AGO4: variants seen among roughly 807,000 people sequenced by gnomAD.
AGO4 encodes argonaute RISC component 4, also known as protein argonaute-4.
AGO4 carries 33 observed loss-of-function variants against 104.7 expected under a neutral mutation model. That is an observed-to-expected ratio of 0.32 (90% CI 0.24 to 0.42). AGO4 has a LOEUF of 0.42. Among genes scored for constraint, AGO4 ranks in the 10% least tolerant of loss-of-function variants. The pLI is 1.00. For missense variants in AGO4, 711 were observed against 1,083.4 expected, an observed-to-expected ratio of 0.66 and a Z score of 4.83; for synonymous variants, 331 against 364.7, an observed-to-expected ratio of 0.91 and a Z score of 1.05.
chr1:35,854,307 T>C lies in AGO4; in HGVS notation c.*702T>C, dbSNP rs1644773412. ...TGTGAATGTGTGACATAAACAGATG[T>C]AATGCATGTCACAGTGACGGAGATA... On this transcript the variant is annotated 3_prime_UTR_variant, in exon 18 of 18. Transcript: ENST00000373210. 1 of 152,676 alleles carries C rather than the reference T, an allele frequency of 6.5e-6. No individual in the cohort carries two copies. The highest frequency in any genetic ancestry group is 1.5e-5 in the Non-Finnish European group (1 of 68,048). 9.5% of individuals were successfully genotyped at this position (152,676 alleles called of 1,614,324 possible). A position where few individuals can be genotyped will look rare whatever the true frequency, so the allele number is the denominator to read the frequency against.
intron 15 of AGO4, among the ~76,000 whole-genome samples, chr1:35,843,688 G>C (rs1276006672): frequency 2.0e-5 from 3 of 152,022 alleles, no homozygotes; most frequent in Non-Finnish European, 4.4e-5. Context: ...CTTAGACTTT[G>C]CTAATACAAA....
At position 35,808,444 on chromosome 1, in the gene AGO4, C is replaced by T; in HGVS notation, c.19+9C>T. ...GGAGGCGCTGGGACCCGGTGAGGAG[C>T]GAGCTCGGGTCGGGGCGGGACCCGG... is the stretch of plus-strand genomic sequence containing the variant. On this transcript the variant is annotated intron_variant, in intron 1 of 17. Transcript: ENST00000373210. This position sits in a 1 kb window ranked among gnomAD's most constrained non-coding sequence, Gnocchi z 5.2. 3.4e-6 allele frequency: 4 copies of T among 1,178,194 alleles called. No homozygotes were observed. In the South Asian group the frequency reaches 1.7e-4, roughly 49 times the overall value. The allele number at this position is 1,178,194 out of a possible 1,614,324, so 73.0% of individuals were successfully genotyped here.
rs1459924255 is a variant in AGO4, at chr1:35,850,234, C to T, written c.2253C>T (p.Tyr751=). The change falls in exon 16 of 18, where the codon TAC becomes TAT. Residue 751 remains tyrosine, a synonymous_variant. Transcript: ENST00000373210. The part of the protein sequence containing the change: ...TITHPSEFDF[Y]LCSHAGIQGT... ...CACATCCATCTGAGTTTGACTTTTACCTCTGTAGTCATGCAGGAATTCAGG... is the reference window on the plus strand; with the variant it reads ...CACATCCATCTGAGTTTGACTTTTATCTCTGTAGTCATGCAGGAATTCAGG... 1.2e-6 allele frequency: 2 copies of T among 1,613,718 alleles called. No individual in the cohort carries two copies. The highest frequency in any genetic ancestry group is 1.7e-6 in the Non-Finnish European group (2 of 1,179,676).
At chr1:35,827,375 G>C (rs1441354891) in intron 7 of AGO4, among the ~76,000 whole-genome samples, 1 of 152,020 alleles carries the variant, frequency 6.6e-6, no homozygotes, top group Non-Finnish European at 1.5e-5. Flanking sequence ...ACAAAAATTA[G>C]CCAGGCTTAG....
chr1:35,828,523 T>TAA (rs1644091908), intron 7 of AGO4, among the ~76,000 whole-genome samples: 1 of 152,044 alleles, frequency 6.6e-6, no homozygotes, highest in African/African-American at 2.4e-5. Context: ...CACCCAACAC[T>TAA]TCTTTTTTTT....
chr1:35,809,776 A>G (rs539070508), intron 1 of AGO4, among the ~76,000 whole-genome samples: 1 of 152,288 alleles, frequency 6.6e-6, no homozygotes, highest in East Asian at 1.9e-4. Flanking sequence ...CTCGTCTATA[A>G]ATTGAGGGTA....
intron 1 of AGO4, among the ~76,000 whole-genome samples, chr1:35,811,648 G>T (rs1251622799): frequency 6.6e-6 from 1 of 151,898 alleles, no homozygotes; most frequent in Non-Finnish European, 1.5e-5. Context: ...GTGTCGCCCA[G>T]GCTGGAGTGC....
Position 35,826,769 on chromosome 1 carries a change from A to G in AGO4, c.782A>G (p.His261Arg). The G allele has an allele frequency of 6.2e-7, 1 of 1,614,200 alleles. No individual in the cohort carries two copies. Among genetic ancestry groups the G allele is most frequent in the Non-Finnish European group, 8.5e-7 (1 of 1,180,026 alleles). ...EIRGLKVEVT[H>R]CGQMKRKYRV... ...TCAGGTCTCAAAGTTGAGGTGACCCACTGTGGACAGATGAAACGAAAATAC... is the reference window on the plus strand; with the variant it reads ...TCAGGTCTCAAAGTTGAGGTGACCCGCTGTGGACAGATGAAACGAAAATAC... The change falls in exon 7 of 18, where the codon CAC (histidine) becomes CGC (arginine). Residue 261 changes from histidine (H) to arginine (R), a missense_variant. This residue lies in a region of AGO4 where 308 missense variants were observed against 397.8 expected (regional missense o/e 0.77). Transcript: ENST00000373210.
intron 3 of AGO4, among the ~76,000 whole-genome samples, chr1:35,823,252 A>AT (rs1175171016): frequency 0.018 from 2,562 of 141,640 alleles, 31 homozygotes; most frequent in Non-Finnish European, 0.022. Flanking sequence ...ATTCTTAGAA[A>AT]TTTTTTTTTT....
rs568800267 is a variant in AGO4, at chr1:35,808,778, C to G, written c.19+343C>G. ...GCCTCAGAAGGGGGCGATCCGCTAC[C>G]CAGTGCGCGCGGAGGCCTGGCCCAG... is the stretch of plus-strand genomic sequence containing the variant. On this transcript the variant is annotated intron_variant, in intron 1 of 17. Coordinates refer to ENST00000373210, the MANE Select transcript of AGO4 (RefSeq NM_017629.4). The surrounding 1 kb of genome is among the most constrained non-coding windows in gnomAD (Gnocchi z 5.2). Among the ~76,000 whole-genome samples the G allele has an allele frequency of 1.3e-5, 2 of 152,308 alleles. No homozygotes were observed. The highest frequency in any genetic ancestry group is 4.8e-5 in the African/African-American group (2 of 41,576).
rs1278456373 is a variant in AGO4 at position 35,853,895 on chromosome 1, A to G, written c.*290A>G. On this transcript the variant is annotated 3_prime_UTR_variant, in exon 18 of 18. Transcript: ENST00000373210. ...GCCTGAACTTTCTAAAGGACTTTAC[A>G]AGAAGGGTTTCTATGGAATATTTTG... 4 of 231,808 alleles carry G rather than the reference A, an allele frequency of 1.7e-5. No individual in the cohort carries two copies. The highest frequency in any genetic ancestry group is 1.4e-3 in the Middle Eastern group (1 of 740). The allele number at this position is 231,808 out of a possible 1,614,324, so 14.4% of individuals were successfully genotyped here.
chr1:35,822,959 C>T lies in AGO4; in HGVS notation c.283C>T (p.Pro95Ser), dbSNP rs767679965. ...DGKRNMYTAHPLPIGRDRVDM... is the reference protein window; with the variant it reads ...DGKRNMYTAHSLPIGRDRVDM... ...CAAAAGAAACATGTACACAGCACAT[C>T]CACTACCAATTGGACGGGATAGGGT... is the stretch of plus-strand genomic sequence containing the variant. The change falls in exon 3 of 18, where the codon CCA becomes TCA. Residue 95 changes from proline to serine, a missense_variant. Transcript: ENST00000373210. 1 of 1,614,018 alleles carries T rather than the reference C, an allele frequency of 6.2e-7. No homozygotes were observed. Among genetic ancestry groups the T allele is most frequent in the Non-Finnish European group, 8.5e-7 (1 of 1,179,968 alleles).
intron 2 of AGO4, among the ~76,000 whole-genome samples, chr1:35,817,988 C>G (rs1643765098): frequency 6.6e-6 from 1 of 152,030 alleles, no homozygotes; most frequent in African/African-American, 2.4e-5. Flanking sequence ...AAAGTTTCTA[C>G]CTTTGAGGAG....
intron 3 of AGO4, among the ~76,000 whole-genome samples, chr1:35,824,626 C>T (rs1178703175): frequency 6.6e-6 from 1 of 151,512 alleles, no homozygotes; most frequent in Admixed American, 6.6e-5. Flanking sequence ...CAGGGAGACC[C>T]ATCTCTACAA....
chr1:35,836,140 T>C, intron 13 of AGO4, 147 bp downstream of exon 13: 3 of 911,676 alleles, frequency 3.3e-6, no homozygotes, highest in Non-Finnish European at 3.2e-6. Context: ...GATAAAGATA[T>C]AGAACATTTC....
intron 16 of AGO4, 59 bp from the exon 17 acceptor site, chr1:35,850,795 A>AAC: frequency 6.6e-6 from 7 of 1,065,794 alleles, no homozygotes; most frequent in African/African-American, 4.3e-5. Context: ...AAAAAAAAAA[A>AAC]AAAACAAAAA....
chr1:35,853,739 A>T lies in AGO4; in HGVS notation c.*134A>T. On this transcript the variant is annotated 3_prime_UTR_variant, in exon 18 of 18. Transcript: ENST00000373210. ...CCAGCAGCTCGGAATAGTTGCACTG[A>T]ATCTATACTTTGCAGCACTGTCTGA... 1.5e-6 allele frequency: 1 copy of T among 687,540 alleles called. No homozygotes were observed. Among genetic ancestry groups the T allele is most frequent in the South Asian group, 1.9e-5 (1 of 53,264 alleles). The allele number at this position is 687,540 out of a possible 1,614,324, so 42.6% of individuals were successfully genotyped here.
chr1:35,816,851 T>C (rs746093924), intron 1 of AGO4, 31 bp from the exon 2 acceptor site: 2 of 1,343,630 alleles, frequency 1.5e-6, no homozygotes, highest in Admixed American at 2.7e-5. Context: ...AAAAAAAAAA[T>C]AGCACAGCAA....
At chr1:35,838,115 C>G (rs1172768688) in intron 13 of AGO4, among the ~76,000 whole-genome samples, 2 of 151,992 alleles carry the variant, frequency 1.3e-5, no homozygotes, top group Non-Finnish European at 2.9e-5. Flanking sequence ...TACAGTGATG[C>G]AATCTCGGCT....
Sources: allele counts gnomAD v4.1 joint callset (sites outside exome capture counted in the v4.1 genomes callset), GRCh38; gene constraint gnomAD v4.1.1; regional missense constraint gnomAD v4.1.1; non-coding constraint Gnocchi (gnomAD v3.1); transcripts MANE v1.5; gene names NCBI Gene and HGNC (gene_info 2026-07-23, HGNC 2026-07-21).